Variants in AKAP7 observed in about 807,000 individuals in gnomAD.
AKAP7 encodes the protein A kinase (PRKA) anchor protein 7.
In AKAP7, 39 loss-of-function variants were observed where a neutral mutation model predicts 39.5. That is an observed-to-expected ratio of 0.99 (90% CI 0.76 to 1.29). The LOEUF is 1.29. AKAP7 is among the 50% of genes most tolerant of loss of function. AKAP7 has a pLI of 0.00. For synonymous variants in AKAP7, 140 were observed against 139.1 expected (o/e 1.01, Z -0.05); for missense variants, 414 against 407.7 (o/e 1.02, Z -0.13).
At chr6:131,208,178 TA>T (rs1808310608) in intron 6 of AKAP7, among the ~76,000 whole-genome samples, 1 of 152,250 alleles carries the variant, frequency 6.6e-6, no homozygotes. Context: ...GCACTATTTA[TA>T]ACAAGTGCCT....
chr6:131,196,067 G>T (rs1309572868), intron 5 of AKAP7, among the ~76,000 whole-genome samples: 2 of 151,814 alleles, frequency 1.3e-5, no homozygotes, highest in Admixed American at 6.6e-5. Flanking sequence ...TTTTTTTAAG[G>T]CCAATAACTC....
intron 2 of AKAP7, among the ~76,000 whole-genome samples, chr6:131,154,866 A>G (rs610167): frequency 0.19 from 29,082 of 151,742 alleles, 3,101 homozygotes; most frequent in Middle Eastern, 0.31. Context: ...GGGTATGTGT[A>G]TGTGTGTGTT....
chr6:131,190,709 A>T (rs1806327511), intron 5 of AKAP7, among the ~76,000 whole-genome samples: 2 of 152,064 alleles, frequency 1.3e-5, no homozygotes, highest in Non-Finnish European at 1.5e-5. Flanking sequence ...TAAGATTGTT[A>T]TAGCAAATAA....
At chr6:131,271,604 C>T (rs1814287287) in intron 7 of AKAP7, among the ~76,000 whole-genome samples, 1 of 151,930 alleles carries the variant, frequency 6.6e-6, no homozygotes, top group African/African-American at 2.4e-5. Flanking sequence ...GGCTGGAGTG[C>T]AGTAGTGCCG....
chr6:131,250,301 C>T (rs1014683040), intron 7 of AKAP7: 46 of 1,260,024 alleles, frequency 3.7e-5, no homozygotes, highest in Non-Finnish European at 4.3e-5. Flanking sequence ...AATACGGGAG[C>T]GTATAGCCAC....
intron 7 of AKAP7, among the ~76,000 whole-genome samples, chr6:131,271,799 C>A (rs1402143096): frequency 6.6e-6 from 1 of 152,124 alleles, no homozygotes; most frequent in East Asian, 1.9e-4. Flanking sequence ...TAAAAAAGTT[C>A]TCTTTTAAAG....
intron 5 of AKAP7, chr6:131,184,716 CT>C: frequency 3.5e-6 from 3 of 848,328 alleles, no homozygotes; most frequent in Non-Finnish European, 6.2e-6. Context: ...CATCAGGACC[CT>C]TTTTGGATTT....
At chr6:131,165,441 T>G (rs1803383572) in intron 4 of AKAP7, among the ~76,000 whole-genome samples, 1 of 152,174 alleles carries the variant, frequency 6.6e-6, no homozygotes, top group Non-Finnish European at 1.5e-5. Context: ...GTTATGTAAT[T>G]GTTTTGTCCG....
At chr6:131,179,461 A>G (rs1352673011) in intron 5 of AKAP7, among the ~76,000 whole-genome samples, 1 of 152,146 alleles carries the variant, frequency 6.6e-6, no homozygotes, top group Admixed American at 6.5e-5. Context: ...GGCGTGAGCC[A>G]CCGTGCCTGG....
chr6:131,276,180 A>G lies in AKAP7; in HGVS notation c.851-5350A>G, dbSNP rs149714738. ...AATCTAGAATAAACCTTACAAAGGC[A>G]TGGTTCCTTCCCTTTTGAAATTTAC... On this transcript the variant is annotated intron_variant, in intron 7 of 7. Coordinates refer to ENST00000431975, the MANE Select transcript of AKAP7 (RefSeq NM_016377.4). Among the ~76,000 whole-genome samples, 513 of 152,324 alleles carry G rather than the reference A, an allele frequency of 3.4e-3. 6 individuals carry two copies. Among genetic ancestry groups the G allele is most frequent in the African/African-American group, 0.012 (483 of 41,574 alleles).
At chr6:131,186,780 T>A (rs974522160) in intron 5 of AKAP7, among the ~76,000 whole-genome samples, 1 of 150,450 alleles carries the variant, frequency 6.6e-6, no homozygotes, top group African/African-American at 2.4e-5. Context: ...CAAAATCTCT[T>A]TTAAGGACAG....
Position 131,207,517 on chromosome 6 carries a change from T to TTTTTTTTTTTA in AKAP7, c.702+7944_702+7945insTTTTTTTTTTA, listed in dbSNP as rs1367120493. ...TTTTTTTTTTTTTTTTTTTTTTTTT[T>TTTTTTTTTTTA]AGATATGGGGTGTTGCTATGTTGCC... On this transcript the variant is annotated intron_variant, in intron 6 of 7. Transcript: ENST00000431975. Among the ~76,000 whole-genome samples, 77 of 141,650 alleles carry TTTTTTTTTTTA rather than the reference T, an allele frequency of 5.4e-4. 2 individuals are homozygous for TTTTTTTTTTTA. The highest frequency in any genetic ancestry group is 2.0e-3 in the African/African-American group (75 of 36,724). The allele number at this position is 141,650 out of a possible 152,430, so 92.9% of individuals were successfully genotyped here.
In AKAP7 at chr6:131,282,133, A is replaced by G; in HGVS notation, c.*407A>G. ...CCAGAACTCTCACACACAGCTATCA[A>G]GTGCTAAGTTTAAAATAATCACTGT... On this transcript the variant is annotated 3_prime_UTR_variant, in exon 8 of 8. Coordinates refer to ENST00000431975, the MANE Select transcript of AKAP7 (RefSeq NM_016377.4). The G allele has an allele frequency of 5.9e-6, 7 of 1,184,042 alleles. No individual in the cohort carries two copies. Among genetic ancestry groups the G allele is most frequent in the Non-Finnish European group, 5.2e-6 (5 of 958,200 alleles). The allele number at this position is 1,184,042 out of a possible 1,614,324, so 73.3% of individuals were successfully genotyped here.
At chr6:131,153,345 T>C (rs1296544784) in intron 2 of AKAP7, among the ~76,000 whole-genome samples, 2 of 152,150 alleles carry the variant, frequency 1.3e-5, no homozygotes, top group Admixed American at 6.5e-5. Flanking sequence ...TTTTAGATTA[T>C]CCAGTTCAAA....
intron 6 of AKAP7, among the ~76,000 whole-genome samples, chr6:131,206,561 T>C (rs1808113201): frequency 6.6e-6 from 1 of 152,192 alleles, no homozygotes; most frequent in Non-Finnish European, 1.5e-5. Flanking sequence ...GTTCTGATGC[T>C]ACCATTAAGA....
chr6:131,163,390 T>C (rs1374215126), intron 3 of AKAP7, among the ~76,000 whole-genome samples: 2 of 152,248 alleles, frequency 1.3e-5, no homozygotes, highest in Non-Finnish European at 2.9e-5. Flanking sequence ...AAACTACTTA[T>C]GAGCTTTTGT....
chr6:131,227,795 A>G (rs1810305822), intron 7 of AKAP7, among the ~76,000 whole-genome samples: 1 of 152,214 alleles, frequency 6.6e-6, no homozygotes, highest in South Asian at 2.1e-4. Context: ...CACTAAGGAT[A>G]ATTCTGAGTG....
At chr6:131,221,129 G>T (rs769791831) in intron 7 of AKAP7, among the ~76,000 whole-genome samples, 9 of 152,200 alleles carry the variant, frequency 5.9e-5, no homozygotes, top group Non-Finnish European at 1.3e-4. Flanking sequence ...AGTTCTTAAA[G>T]GAAATTAAAA....
At chr6:131,202,541 C>A (rs1252957502) in intron 6 of AKAP7, among the ~76,000 whole-genome samples, 2 of 147,666 alleles carry the variant, frequency 1.4e-5, no homozygotes, top group Non-Finnish European at 3.0e-5. Context: ...GTTCTCACTC[C>A]TAGGTGGGAA....
Sources: gnomAD v4.1 joint callset for allele counts (sites outside exome capture counted in the v4.1 genomes callset) on GRCh38, gnomAD v4.1.1 for gene constraint, MANE v1.5 for transcripts, NCBI Gene and HGNC (gene_info 2026-07-23, HGNC 2026-07-21) for gene names.